Variants in ZCWPW2 observed in about 807,000 individuals in gnomAD.
The protein encoded by ZCWPW2 is zinc finger CW-type and PWWP domain containing 2, also known as zinc finger CW-type PWWP domain protein 2.
ZCWPW2 carries 45 observed loss-of-function variants against 46.6 expected under a neutral mutation model. The observed-to-expected ratio is 0.96, with a 90% confidence interval of 0.76 to 1.24. The LOEUF (loss-of-function observed/expected upper bound fraction) is 1.24, where lower values mean the gene tolerates loss of function less well. Ranked by LOEUF, ZCWPW2 falls within the 50% of genes most tolerant of loss-of-function variation. ZCWPW2 has a pLI of 0.00. For missense variants in ZCWPW2, 429 were observed against 403.9 expected, an observed-to-expected ratio of 1.06 and a Z score of -0.53; for synonymous variants, 152 against 137.1, an observed-to-expected ratio of 1.11 and a Z score of -0.76.
intron 4 of ZCWPW2, among the ~76,000 whole-genome samples, chr3:28,471,193 C>T (rs1329920690): frequency 6.6e-6 from 1 of 152,100 alleles, no homozygotes; most frequent in Non-Finnish European, 1.5e-5. Context: ...ATAGCTAATA[C>T]CAGTTCTACT....
rs1429451402 is a variant in ZCWPW2 at position 28,380,963 on chromosome 3, T to TTTG, written c.-133-9535_-133-9534insTTG. Among the ~76,000 whole-genome samples, 18 of 38,108 alleles carry TTTG rather than the reference T, an allele frequency of 4.7e-4. 6 individuals are homozygous for TTTG. Among genetic ancestry groups the TTTG allele is most frequent in the African/African-American group, 1.8e-3 (15 of 8,560 alleles). The allele number at this position is 38,108 out of a possible 152,430, so 25.0% of individuals were successfully genotyped here. A position where few individuals can be genotyped will look rare whatever the true frequency, so the allele number is the denominator to read the frequency against. On this transcript the variant is annotated intron_variant, in intron 1 of 9. Transcript: ENST00000383768. ...ATATATATATATATATATATATATA[T>TTTG]ATATATATTTGGTATATATATATAT...
intron 4 of ZCWPW2, among the ~76,000 whole-genome samples, chr3:28,450,566 T>C (rs1280435550): frequency 6.6e-6 from 1 of 152,224 alleles, no homozygotes; most frequent in Non-Finnish European, 1.5e-5. Context: ...ACTGCACTTT[T>C]GTAGTTTTTT....
intron 6 of ZCWPW2, among the ~76,000 whole-genome samples, chr3:28,498,506 T>G (rs1700055610): frequency 6.6e-6 from 1 of 150,686 alleles, no homozygotes; most frequent in Non-Finnish European, 1.5e-5. Flanking sequence ...AGTTACTATA[T>G]TATAATAGGT....
At chr3:28,448,086 G>T in intron 4 of ZCWPW2, 1 of 233,704 alleles carries the variant, frequency 4.3e-6, no homozygotes, top group East Asian at 8.3e-5. Context: ...AAAAAATGAA[G>T]CTTTTTTTAA....
chr3:28,421,529 G>C (rs1275731134), intron 3 of ZCWPW2, among the ~76,000 whole-genome samples: 4 of 152,006 alleles, frequency 2.6e-5, no homozygotes, highest in Admixed American at 2.6e-4. Flanking sequence ...CCCCTATCCT[G>C]GTCCTTTGGC....
intron 1 of ZCWPW2, among the ~76,000 whole-genome samples, chr3:28,359,769 C>T (rs1704871831): frequency 6.6e-6 from 1 of 151,984 alleles, no homozygotes; most frequent in South Asian, 2.1e-4. Context: ...TGAAACATTC[C>T]CTTATGTAAG....
At chr3:28,424,387 G>A (rs1431060593) in intron 3 of ZCWPW2, among the ~76,000 whole-genome samples, 1 of 152,064 alleles carries the variant, frequency 6.6e-6, no homozygotes, top group Non-Finnish European at 1.5e-5. Context: ...CTCAGAATGT[G>A]ACCATATTTG....
At chr3:28,358,627 A>T (rs1196062102) in intron 1 of ZCWPW2, among the ~76,000 whole-genome samples, 1 of 152,136 alleles carries the variant, frequency 6.6e-6, no homozygotes, top group African/African-American at 2.4e-5. Context: ...ATTTATTTGG[A>T]ATATGTACCA....
At chr3:28,474,620 T>TGTGTGTGTGCGC (rs777191108) in intron 4 of ZCWPW2, among the ~76,000 whole-genome samples, 27 of 121,690 alleles carry the variant, frequency 2.2e-4, no homozygotes, top group African/African-American at 2.6e-4. Flanking sequence ...TGTGTGTGTG[T>TGTGTGTGTGCGC]GCGCGCGCGC....
Position 28,525,754 on chromosome 3 carries a change from TAGAGTGG to T in ZCWPW2, c.*1077_*1083del, listed in dbSNP as rs1234092365. The stretch of plus-strand genomic sequence containing the variant: ...ATTTTTAGATTCTATGATAATTACG[TAGAGTGG>T]AGAGTGGAGATAGACTCACAACGGT... On this transcript the variant is annotated 3_prime_UTR_variant, in exon 10 of 10. Coordinates refer to ENST00000383768, the MANE Select transcript of ZCWPW2 (RefSeq NM_001040432.4). 1.3e-5 allele frequency among the ~76,000 whole-genome samples: 2 copies of T among 152,190 alleles called. No individual in the cohort carries two copies. The highest frequency in any genetic ancestry group is 2.9e-5 in the Non-Finnish European group (2 of 68,016).
chr3:28,435,321 T>C (rs1230950825), intron 4 of ZCWPW2, 52 bp downstream of exon 4: 7 of 1,525,512 alleles, frequency 4.6e-6, no homozygotes, highest in Non-Finnish European at 5.3e-6. Context: ...TTTTTAGTTA[T>C]GGTAATTTTT....
chr3:28,429,925 A>G (rs536215477), intron 3 of ZCWPW2, among the ~76,000 whole-genome samples: 2 of 152,328 alleles, frequency 1.3e-5, no homozygotes, highest in Non-Finnish European at 2.9e-5. Flanking sequence ...ATGTATGGAA[A>G]TGCCTGGATG....
chr3:28,362,317 A>T (rs1257183871), intron 1 of ZCWPW2, among the ~76,000 whole-genome samples: 1 of 152,106 alleles, frequency 6.6e-6, no homozygotes, highest in Non-Finnish European at 1.5e-5. Context: ...TTATTAAAAA[A>T]ATAGTTCAAT....
chr3:28,453,363 A>G (rs1649234707), intron 4 of ZCWPW2, among the ~76,000 whole-genome samples: 1 of 152,236 alleles, frequency 6.6e-6, no homozygotes, highest in African/African-American at 2.4e-5. Flanking sequence ...TACTGAAGTT[A>G]AAAGTCCAAA....
At chr3:28,411,976 C>T (rs371730436) in intron 2 of ZCWPW2, among the ~76,000 whole-genome samples, 22 of 151,920 alleles carry the variant, frequency 1.4e-4, no homozygotes, top group East Asian at 5.8e-4. Flanking sequence ...TCAAAATTTT[C>T]GAACTATGGC....
intron 4 of ZCWPW2, among the ~76,000 whole-genome samples, chr3:28,436,301 A>G (rs994431361): frequency 6.8e-6 from 1 of 147,002 alleles, no homozygotes; most frequent in African/African-American, 2.5e-5. Flanking sequence ...CTTTTACTCA[A>G]TTTGAATATT....
intron 3 of ZCWPW2, among the ~76,000 whole-genome samples, chr3:28,421,753 A>T (rs1307627099): frequency 6.6e-6 from 1 of 151,398 alleles, no homozygotes; most frequent in African/African-American, 2.4e-5. Flanking sequence ...CATATATAAC[A>T]TGCAGATTTT....
chr3:28,439,134 T>A (rs1697624016), intron 4 of ZCWPW2, among the ~76,000 whole-genome samples: 2 of 139,486 alleles, frequency 1.4e-5, no homozygotes, highest in South Asian at 4.5e-4. Context: ...TATACACACA[T>A]CATAGGATGT....
intron 1 of ZCWPW2, among the ~76,000 whole-genome samples, chr3:28,356,593 T>G (rs1434213009): frequency 6.6e-6 from 1 of 152,178 alleles, no homozygotes; most frequent in Non-Finnish European, 1.5e-5. Context: ...AGCAAAGACT[T>G]GGAACTAACC....
Sources: allele counts gnomAD v4.1 joint callset (sites outside exome capture counted in the v4.1 genomes callset), GRCh38; gene constraint gnomAD v4.1.1; transcripts MANE v1.5; gene names NCBI Gene and HGNC (gene_info 2026-07-23, HGNC 2026-07-21).